SVOP: variants seen among roughly 807,000 people sequenced by gnomAD.
SVOP encodes the protein synaptic vesicle 2-related protein.
In SVOP, 17 loss-of-function variants were observed where a neutral mutation model predicts 69.1. The ratio of observed to expected loss-of-function variants is 0.25; its 90% confidence interval spans 0.17 to 0.37. The LOEUF (loss-of-function observed/expected upper bound fraction) is 0.37. SVOP is among the 10% of genes least tolerant of loss of function. SVOP has a pLI of 1.00. For missense variants in SVOP, 435 were observed against 597.5 expected (o/e 0.73, Z 2.84); for synonymous variants, 238 against 238.6 (o/e 1.00, Z 0.02).
chr12:109,015,014 C>A (rs535944105), intron 1 of SVOP, among the ~76,000 whole-genome samples: 5 of 152,202 alleles, frequency 3.3e-5, no homozygotes, highest in African/African-American at 1.2e-4. Flanking sequence ...CTTGAACCAC[C>A]ATGCCCAGCT....
At position 109,007,469 on chromosome 12, in the gene SVOP, A is replaced by G. The variant is rs141271636; in HGVS notation, c.35+13365T>C. On this transcript the variant is annotated intron_variant, in intron 1 of 15. Transcript: ENST00000610966. ...CCTGAATCCTAACAGCAGAGCTTGA[A>G]CTTCTGGGTATAAGAAAGAAGGAAG... 2.6e-3 allele frequency among the ~76,000 whole-genome samples: 395 copies of G among 152,290 alleles called. 3 individuals are homozygous for G. The highest frequency in any genetic ancestry group is 8.9e-3 in the African/African-American group (369 of 41,564).
At chr12:108,925,016 C>CTT (rs369350922) in intron 11 of SVOP, among the ~76,000 whole-genome samples, 25 of 147,474 alleles carry the variant, frequency 1.7e-4, no homozygotes, top group African/African-American at 5.2e-4. Flanking sequence ...AAAAGCCTTC[C>CTT]TTTTTTTTTT....
intron 1 of SVOP, among the ~76,000 whole-genome samples, chr12:109,003,871 G>T (rs1413631463): frequency 1.3e-5 from 2 of 152,212 alleles, no homozygotes; most frequent in African/African-American, 4.8e-5. Context: ...GCCTCCTGAA[G>T]TGCTGGGATT....
intron 11 of SVOP, among the ~76,000 whole-genome samples, chr12:108,931,407 A>C (rs2039817704): frequency 6.6e-6 from 1 of 152,224 alleles, no homozygotes; most frequent in Non-Finnish European, 1.5e-5. Context: ...TTTTCTTTGC[A>C]TTTGTTTCTT....
chr12:108,962,449 T>C (rs1177100686), intron 5 of SVOP, among the ~76,000 whole-genome samples: 1 of 152,112 alleles, frequency 6.6e-6, no homozygotes, highest in African/African-American at 2.4e-5. Context: ...TCTTTGGAAA[T>C]TTTTTCTGGA....
chr12:108,922,135 T>G (rs926551199), intron 12 of SVOP, among the ~76,000 whole-genome samples: 2 of 152,166 alleles, frequency 1.3e-5, no homozygotes, highest in Non-Finnish European at 2.9e-5. Context: ...CAGGCTACCA[T>G]GTCAGAGTTG....
chr12:109,019,082 G>T (rs1265994213), intron 1 of SVOP, among the ~76,000 whole-genome samples: 1 of 152,136 alleles, frequency 6.6e-6, no homozygotes, highest in African/African-American at 2.4e-5. Context: ...GATAATATAT[G>T]TATTTATGCC....
At chr12:108,935,504 T>A (rs1336374143) in intron 10 of SVOP, among the ~76,000 whole-genome samples, 1 of 152,334 alleles carries the variant, frequency 6.6e-6, no homozygotes, top group African/African-American at 2.4e-5. Context: ...ACCATCCTTT[T>A]AAAAAATTCT....
chr12:108,995,359 C>A (rs943138273), intron 1 of SVOP, among the ~76,000 whole-genome samples: 4 of 151,898 alleles, frequency 2.6e-5, no homozygotes, highest in African/African-American at 9.7e-5. Flanking sequence ...CATGGATGAA[C>A]CTTGAAGATA....
At chr12:108,952,795 G>A (rs2039963575) in intron 6 of SVOP, among the ~76,000 whole-genome samples, 1 of 152,136 alleles carries the variant, frequency 6.6e-6, no homozygotes, top group Admixed American at 6.5e-5. Flanking sequence ...GAAGTTTGAG[G>A]CTGCAGGGAG....
chr12:108,980,509 G>T (rs2040129548), intron 2 of SVOP, among the ~76,000 whole-genome samples: 1 of 152,170 alleles, frequency 6.6e-6, no homozygotes, highest in African/African-American at 2.4e-5. Flanking sequence ...AACACTTTGG[G>T]AGGCCAAGGC....
intron 11 of SVOP, among the ~76,000 whole-genome samples, chr12:108,924,758 G>A (rs1416772593): frequency 6.6e-6 from 1 of 152,168 alleles, no homozygotes; most frequent in Non-Finnish European, 1.5e-5. Flanking sequence ...AGAGCCACAG[G>A]ATGTTTGGTT....
At chr12:108,958,045 G>A (rs899085469) in intron 6 of SVOP, among the ~76,000 whole-genome samples, 1 of 152,140 alleles carries the variant, frequency 6.6e-6, no homozygotes, top group African/African-American at 2.4e-5. Context: ...ATATGATGGT[G>A]GTCCCATAAG....
At chr12:109,019,093 T>C (rs1270891412) in intron 1 of SVOP, among the ~76,000 whole-genome samples, 1 of 152,202 alleles carries the variant, frequency 6.6e-6, no homozygotes, top group Non-Finnish European at 1.5e-5. Flanking sequence ...TATTTATGCC[T>C]ATTAAGCACC....
At chr12:108,933,711 T>A in intron 11 of SVOP, among the ~76,000 whole-genome samples, 1 of 151,754 alleles carries the variant, frequency 6.6e-6, no homozygotes, top group East Asian at 1.9e-4. Flanking sequence ...TAATAATAAA[T>A]TTAATAATAA....
Position 108,922,741 on chromosome 12 carries a change from T to C in SVOP, c.1105A>G (p.Ser369Gly). 2 of 1,611,798 alleles carry C rather than the reference T, an allele frequency of 1.2e-6. No homozygotes were observed. The highest frequency in any genetic ancestry group is 1.1e-5 in the South Asian group (1 of 90,180). ...AKCSLACEYLSEEDYMDLLWT... is the reference protein window; with the variant it reads ...AKCSLACEYLGEEDYMDLLWT... The stretch of plus-strand genomic sequence containing the variant: ...AGCAAGTCCATGTAATCCTCCTCAC[T>C]CAGGTACTCGCAGGCCAGGCTGCAT... Residue 369 changes from serine (S) to glycine (G), a missense_variant, in exon 12 of 16, where the codon AGT becomes GGT. Coordinates refer to ENST00000610966, the MANE Select transcript of SVOP (RefSeq NM_018711.5).
chr12:108,932,356 A>G lies in SVOP; in HGVS notation c.1048+1839T>C, dbSNP rs55948752. ...TATTACATTTTCACCTTAAAATACT[A>G]TTAGGCCCAGGAGATCAAGGCTGCA... On this transcript the variant is annotated intron_variant, in intron 11 of 15. Transcript: ENST00000610966. Among the ~76,000 whole-genome samples the G allele has an allele frequency of 8.6e-3, 1,311 of 152,150 alleles. 20 individuals carry two copies. The highest frequency in any genetic ancestry group is 0.03 in the African/African-American group (1,261 of 41,518).
At chr12:108,958,530 T>C (rs911591421) in intron 6 of SVOP, among the ~76,000 whole-genome samples, 1 of 152,110 alleles carries the variant, frequency 6.6e-6, no homozygotes, top group Non-Finnish European at 1.5e-5. Flanking sequence ...GTTTGCACGG[T>C]GACAAAATCA....
intron 4 of SVOP, among the ~76,000 whole-genome samples, chr12:108,975,469 G>C (rs2040101276): frequency 6.6e-6 from 1 of 152,180 alleles, no homozygotes; most frequent in Non-Finnish European, 1.5e-5. Flanking sequence ...CCTCTTACAG[G>C]CTGTCTGGGC....
Sources: gnomAD v4.1 joint callset for allele counts (sites outside exome capture counted in the v4.1 genomes callset) on GRCh38, gnomAD v4.1.1 for gene constraint, MANE v1.5 for transcripts, NCBI Gene and HGNC (gene_info 2026-07-23, HGNC 2026-07-21) for gene names.